Variants in RB1CC1 observed in about 807,000 individuals in gnomAD.
The protein encoded by RB1CC1 is RB1 inducible coiled-coil 1, also known as RB1-inducible coiled-coil protein 1.
In RB1CC1, 46 loss-of-function variants were observed where a neutral mutation model predicts 177.5. That is an observed-to-expected ratio of 0.26 (90% CI 0.20 to 0.33). The LOEUF is 0.33. RB1CC1 is among the 10% of genes least tolerant of loss of function. RB1CC1 has a pLI of 1.00. For synonymous variants in RB1CC1, 666 were observed against 613.6 expected (o/e 1.09, Z -1.26); for missense variants, 1,703 against 1,816.3 (o/e 0.94, Z 1.13).
At chr8:52,711,544 T>C (rs1857062714) in intron 1 of RB1CC1, among the ~76,000 whole-genome samples, 1 of 152,216 alleles carries the variant, frequency 6.6e-6, no homozygotes, top group South Asian at 2.1e-4. Flanking sequence ...TAAATATATA[T>C]ACATAGACAG....
chr8:52,653,242 T>C (rs1469724145), intron 15 of RB1CC1, among the ~76,000 whole-genome samples: 1 of 152,158 alleles, frequency 6.6e-6, no homozygotes, highest in Non-Finnish European at 1.5e-5. Context: ...AGTGGTGCTC[T>C]GCAGGAAACA....
intron 1 of RB1CC1, among the ~76,000 whole-genome samples, chr8:52,696,817 A>G (rs1855458114): frequency 6.6e-6 from 1 of 152,158 alleles, no homozygotes; most frequent in African/African-American, 2.4e-5. Flanking sequence ...AGCCTGGGTA[A>G]CATGGCAAAA....
At chr8:52,688,059 GTTATC>G (rs1184676780) in intron 1 of RB1CC1, among the ~76,000 whole-genome samples, 1 of 152,144 alleles carries the variant, frequency 6.6e-6, no homozygotes, top group African/African-American at 2.4e-5. Context: ...TCTTAATCCT[GTTATC>G]TTCGTAAACT....
At chr8:52,628,235 CAT>C in intron 21 of RB1CC1, 67 bp from the exon 22 acceptor site, 1 of 1,424,720 alleles carries the variant, frequency 7.0e-7, no homozygotes. Context: ...GAAAACTTAG[CAT>C]ATATACTTAA....
intron 16 of RB1CC1, among the ~76,000 whole-genome samples, chr8:52,643,944 T>C (rs915253885): frequency 6.6e-6 from 1 of 152,016 alleles, no homozygotes; most frequent in Non-Finnish European, 1.5e-5. Flanking sequence ...ATTAAATATT[T>C]AATTAAATAC....
At chr8:52,670,386 A>G (rs935910647) in intron 7 of RB1CC1, among the ~76,000 whole-genome samples, 1 of 152,240 alleles carries the variant, frequency 6.6e-6, no homozygotes, top group African/African-American at 2.4e-5. Flanking sequence ...AGTCAGTGAT[A>G]CATTAATTTT....
chr8:52,669,297 C>T (rs1852346980), intron 7 of RB1CC1, among the ~76,000 whole-genome samples: 2 of 152,142 alleles, frequency 1.3e-5, no homozygotes, highest in Admixed American at 1.3e-4. Context: ...TCTTTTCAAG[C>T]TGAAATGTCT....
rs1848139770 is a variant in RB1CC1 at position 52,622,707 on chromosome 8, A to C, written c.*1075T>G. The C allele has an allele frequency of 1.3e-5, 2 of 152,052 alleles. No individual in the cohort carries two copies. The highest frequency in any genetic ancestry group is 1.5e-5 in the Non-Finnish European group (1 of 67,576). The allele number at this position is 152,052 out of a possible 1,614,324, so 9.4% of individuals were successfully genotyped here. A position where few individuals can be genotyped will look rare whatever the true frequency, so the allele number is the denominator to read the frequency against. On this transcript the variant is annotated 3_prime_UTR_variant, in exon 24 of 24. Coordinates refer to ENST00000025008, the MANE Select transcript of RB1CC1 (RefSeq NM_014781.5). ...TTGCTCAATGGCAACTTCTCTAAAG[A>C]TCTAGTTTACACAATTCTATTCTAC...
chr8:52,698,666 GT>G (rs1254015732), intron 1 of RB1CC1, among the ~76,000 whole-genome samples: 3 of 2,602 alleles, frequency 1.2e-3, no homozygotes, highest in Non-Finnish European at 3.6e-3. Context: ...ATATGTAATG[GT>G]TGGTTTTTTT....
intron 1 of RB1CC1, among the ~76,000 whole-genome samples, chr8:52,699,858 T>TATATATATATATAC (rs756226534): frequency 4.0e-4 from 41 of 102,754 alleles, no homozygotes; most frequent in East Asian, 1.9e-3. Context: ...TATATATATA[T>TATATATATATATAC]ACACACAAAA....
rs140633005 is a variant in RB1CC1 at position 52,683,991 on chromosome 8, T to C, written c.94A>G (p.Ile32Val). ...VQTVADLKHA[I>V]QSKYKIAIQH... ...ATAGCAATCTTGTATTTGCTTTGAA[T>C]GGCATGCTTAAGGTCTGCCACACTT... The change falls in exon 4 of 24, where the codon ATT becomes GTT. Residue 32 changes from isoleucine (I) to valine (V), a missense_variant. By Grantham distance (29) the Ile-to-Val change is conservative. Transcript: ENST00000025008. 2 of 1,613,640 alleles carry C rather than the reference T, an allele frequency of 1.2e-6. No homozygotes were observed. Among genetic ancestry groups the C allele is most frequent in the African/African-American group, 1.3e-5 (1 of 74,918 alleles).
intron 5 of RB1CC1, among the ~76,000 whole-genome samples, chr8:52,680,110 G>C (rs1853559869): frequency 1.3e-5 from 2 of 151,810 alleles, no homozygotes; most frequent in Admixed American, 6.6e-5. Context: ...ATTTTAACAT[G>C]AAATCTACAC....
At chr8:52,688,489 A>G (rs561934680) in intron 1 of RB1CC1, among the ~76,000 whole-genome samples, 19 of 152,208 alleles carry the variant, frequency 1.2e-4, no homozygotes, top group African/African-American at 4.6e-4. Flanking sequence ...GGTGGTGGGG[A>G]AAAACTCCGC....
In RB1CC1 at chr8:52,683,667, G is replaced by A; in HGVS notation, c.251C>T (p.Pro84Leu). 6.2e-7 allele frequency: 1 copy of A among 1,610,448 alleles called. No homozygotes were observed. The highest frequency in any genetic ancestry group is 8.5e-7 in the Non-Finnish European group (1 of 1,178,336). Residue 84 changes from proline to leucine, a missense_variant, in exon 5 of 24, where the codon CCA (proline) becomes CTA (leucine). By Grantham distance (98) the Pro-to-Leu change is moderately conservative. Around this residue, in one of 6 missense-constraint regions of RB1CC1, gnomAD observed 118 missense variants for 121.2 expected, o/e 0.97. Transcript: ENST00000025008. ...AAAGGTAGTTTTAGGAATAGCAGGT[G>A]GACGATCACATAAGATCATTTCTTT... ...FNKEMILCDR[P>L]PAIPKTTFST... is the part of the protein sequence containing the mutation.
chr8:52,625,179 G>A (rs1029945428), intron 22 of RB1CC1, among the ~76,000 whole-genome samples: 23 of 152,100 alleles, frequency 1.5e-4, no homozygotes, highest in African/African-American at 5.5e-4. Flanking sequence ...AAAATGTATA[G>A]GTTCAAAGCA....
At chr8:52,680,077 TATTC>T (rs1038574338) in intron 5 of RB1CC1, among the ~76,000 whole-genome samples, 9 of 152,142 alleles carry the variant, frequency 5.9e-5, no homozygotes, top group African/African-American at 1.9e-4. Context: ...GGAATAATTC[TATTC>T]ATTCAAACAC....
At position 52,657,109 on chromosome 8, in the gene RB1CC1, T is replaced by G; in HGVS notation, c.2720A>C (p.Gln907Pro). ...CAAAGCAAATTCATTATCTTTATTT[T>G]GTAAAACCTCCTCAAGGCATACTAA... Reference protein sequence around the residue: ...GELVCLEEVLQNKDNEFALVK... With the variant: ...GELVCLEEVLPNKDNEFALVK... Residue 907 changes from glutamine to proline, a missense_variant, in exon 15 of 24, where the codon CAA becomes CCA. By Grantham distance (76) the Gln-to-Pro change is moderately conservative (BLOSUM62 -1). This residue lies in a region of RB1CC1 where 1,169 missense variants were observed against 1,184.7 expected (regional missense o/e 0.99). Coordinates refer to ENST00000025008, the MANE Select transcript of RB1CC1 (RefSeq NM_014781.5). 6.2e-7 allele frequency: 1 copy of G among 1,610,676 alleles called. No homozygotes were observed. Among genetic ancestry groups the G allele is most frequent in the Non-Finnish European group, 8.5e-7 (1 of 1,178,896 alleles).
intron 18 of RB1CC1, 80 bp from the exon 19 acceptor site, chr8:52,636,149 T>C: frequency 1.4e-6 from 2 of 1,404,086 alleles, no homozygotes; most frequent in Non-Finnish European, 1.9e-6. Flanking sequence ...AAAATATTAA[T>C]ACAGATCACT....
intron 5 of RB1CC1, among the ~76,000 whole-genome samples, chr8:52,678,174 T>G (rs933560832): frequency 1.3e-5 from 2 of 152,144 alleles, no homozygotes; most frequent in African/African-American, 4.8e-5. Context: ...ATCCTAGTAC[T>G]TTGGGAGGCT....
Sources: allele counts gnomAD v4.1 joint callset (sites outside exome capture counted in the v4.1 genomes callset), GRCh38; gene constraint gnomAD v4.1.1; regional missense constraint gnomAD v4.1.1; transcripts MANE v1.5; gene names NCBI Gene and HGNC (gene_info 2026-07-23, HGNC 2026-07-21).